TMCO4: variants seen among roughly 807,000 people sequenced by gnomAD.
The protein encoded by TMCO4 is transmembrane and coiled-coil domains 4.
A neutral mutation model predicts 64.7 loss-of-function variants in TMCO4; 58 were observed. The observed-to-expected ratio is 0.90, with a 90% CI of 0.73 to 1.12. The LOEUF is 1.12. Ranked by LOEUF, TMCO4 falls within the 50% of genes most tolerant of loss-of-function variation. TMCO4 has a pLI of 0.00. For synonymous variants in TMCO4, 325 were observed against 346.1 expected (o/e 0.94, Z 0.68); for missense variants, 780 against 825.9 (o/e 0.94, Z 0.68).
chr1:19,760,307 C>G (rs2042441724), intron 6 of TMCO4, among the ~76,000 whole-genome samples: 2 of 152,166 alleles, frequency 1.3e-5, no homozygotes, highest in African/African-American at 4.8e-5. Flanking sequence ...AGAGGCTTGA[C>G]TATGCCTGGA....
chr1:19,770,622 C>A, intron 5 of TMCO4, 53 bp from the exon 6 acceptor site: 1 of 1,562,602 alleles, frequency 6.4e-7, no homozygotes, highest in South Asian at 1.2e-5. Context: ...CGATACAGCG[C>A]GCTCATTTGA....
chr1:19,799,101 G>A (rs1462712613), intron 1 of TMCO4: 1 of 152,542 alleles, frequency 6.6e-6, no homozygotes, highest in Non-Finnish European at 1.5e-5. Flanking sequence ...CACTGGGTCA[G>A]GCTCTCCAGG....
At chr1:19,758,390 G>A (rs548211903) in intron 6 of TMCO4, among the ~76,000 whole-genome samples, 2 of 151,816 alleles carry the variant, frequency 1.3e-5, no homozygotes, top group South Asian at 2.1e-4. Context: ...CGTGATAATC[G>A]GGTTGTAGAA....
intron 10 of TMCO4, among the ~76,000 whole-genome samples, chr1:19,744,530 T>C (rs1372020274): frequency 1.3e-5 from 2 of 152,240 alleles, no homozygotes; most frequent in Non-Finnish European, 2.9e-5. Flanking sequence ...TGAAAGTCCT[T>C]TGCTCTCTTC....
intron 13 of TMCO4, among the ~76,000 whole-genome samples, chr1:19,723,829 C>T (rs967034797): frequency 6.6e-6 from 1 of 151,988 alleles, no homozygotes; most frequent in Admixed American, 6.6e-5. Flanking sequence ...GAGGGTGAAG[C>T]GGGTCACCTG....
intron 2 of TMCO4, among the ~76,000 whole-genome samples, chr1:19,787,836 A>T (rs1317543888): frequency 6.6e-6 from 1 of 152,024 alleles, no homozygotes; most frequent in Non-Finnish European, 1.5e-5. Flanking sequence ...GCTCACTGCA[A>T]CCTCCGCCTC....
intron 13 of TMCO4, among the ~76,000 whole-genome samples, chr1:19,709,291 G>GC (rs905227691): frequency 6.6e-6 from 1 of 152,006 alleles, no homozygotes; most frequent in Non-Finnish European, 1.5e-5. Context: ...CCCGGCGGGG[G>GC]GGGGGGACCC....
intron 13 of TMCO4, among the ~76,000 whole-genome samples, chr1:19,718,665 A>AAAAAAAAAAAAAAAAAAG (rs1450808804): frequency 6.2e-5 from 9 of 146,248 alleles, no homozygotes; most frequent in African/African-American, 2.1e-4. Context: ...AAAAAAAAAA[A>AAAAAAAAAAAAAAAAAAG]AGAGAGAGAG....
chr1:19,699,570 T>TGTGC (rs2100606157), intron 14 of TMCO4, among the ~76,000 whole-genome samples: 1 of 151,534 alleles, frequency 6.6e-6, no homozygotes, highest in African/African-American at 2.4e-5. Flanking sequence ...CCAATGCTGA[T>TGTGC]GTGCAAGCCC....
rs982187263 is a variant in TMCO4 at position 19,734,155 on chromosome 1, G to A, written c.1264+3217C>T. 2.6e-5 allele frequency among the ~76,000 whole-genome samples: 4 copies of A among 152,252 alleles called. No homozygotes were observed. Among genetic ancestry groups the A allele is most frequent in the East Asian group, 3.9e-4 (2 of 5,184 alleles). On this transcript the variant is annotated intron_variant, in intron 13 of 15. Coordinates refer to ENST00000294543, the MANE Select transcript of TMCO4 (RefSeq NM_181719.7). This position sits in a 1 kb window ranked among gnomAD's most constrained non-coding sequence, Gnocchi z 4.4. ...ATCTAGAAAAGGAGACAGAGAGGAC[G>A]GACCAAGAGGGAACAATGGAAATAG...
chr1:19,759,515 T>C (rs1477081449), intron 6 of TMCO4, among the ~76,000 whole-genome samples: 1 of 152,180 alleles, frequency 6.6e-6, no homozygotes, highest in African/African-American at 2.4e-5. Context: ...ATCCAGCCCC[T>C]TCCTGCCATC....
At chr1:19,739,994 C>T in intron 11 of TMCO4, 34 bp from the exon 12 acceptor site, 7 of 1,599,334 alleles carry the variant, frequency 4.4e-6, no homozygotes, top group Non-Finnish European at 6.0e-6. Context: ...AGGGAATGGC[C>T]CCTGTCCTAG....
chr1:19,775,862 A>C (rs1281205164), intron 4 of TMCO4, among the ~76,000 whole-genome samples: 1 of 152,238 alleles, frequency 6.6e-6, no homozygotes, highest in Non-Finnish European at 1.5e-5. Flanking sequence ...AAAGATTACT[A>C]AAACCAAGAG....
At position 19,780,962 on chromosome 1, in the gene TMCO4, A is replaced by G. The variant is rs1571015502; in HGVS notation, c.-8-196T>C. On this transcript the variant is annotated intron_variant, in intron 3 of 15. Coordinates refer to ENST00000294543, the MANE Select transcript of TMCO4 (RefSeq NM_181719.7). ...GGAGGGAGGGATCTTCAATATGTCT[A>G]TCCACAAAGGTCTATACACAGTATC... is the stretch of plus-strand genomic sequence containing the variant. Among the ~76,000 whole-genome samples, 3 of 152,162 alleles carry G rather than the reference A, an allele frequency of 2.0e-5. No homozygotes were observed. In the South Asian group the frequency reaches 6.2e-4, roughly 32 times the overall value.
chr1:19,711,056 A>G (rs1244528984), intron 13 of TMCO4, among the ~76,000 whole-genome samples: 3 of 152,208 alleles, frequency 2.0e-5, no homozygotes, highest in Admixed American at 2.0e-4. Flanking sequence ...CATCAGAAAG[A>G]TGAGTTTGAG....
intron 13 of TMCO4, among the ~76,000 whole-genome samples, chr1:19,723,229 G>A (rs990347424): frequency 6.6e-6 from 1 of 152,172 alleles, no homozygotes; most frequent in African/African-American, 2.4e-5. Context: ...GCATTTCCTC[G>A]GAGTATCATG....
At chr1:19,778,971 C>T (rs1360300955) in intron 4 of TMCO4, among the ~76,000 whole-genome samples, 1 of 152,146 alleles carries the variant, frequency 6.6e-6, no homozygotes, top group Non-Finnish European at 1.5e-5. Context: ...ATGCCCTGGT[C>T]TGGAGGACAG....
chr1:19,796,100 T>C (rs1046449955), intron 2 of TMCO4, among the ~76,000 whole-genome samples: 1 of 152,220 alleles, frequency 6.6e-6, no homozygotes, highest in Non-Finnish European at 1.5e-5. Context: ...GCTTAGATTT[T>C]CTGGGGCCTA....
chr1:19,790,974 A>G (rs911909846), intron 2 of TMCO4, among the ~76,000 whole-genome samples: 1 of 152,248 alleles, frequency 6.6e-6, no homozygotes, highest in African/African-American at 2.4e-5. Flanking sequence ...AATGCTATGC[A>G]GCCATAAAAA....
Sources: gnomAD v4.1 joint callset for allele counts (sites outside exome capture counted in the v4.1 genomes callset) on GRCh38, gnomAD v4.1.1 for gene constraint, Gnocchi (gnomAD v3.1) non-coding constraint, MANE v1.5 for transcripts, NCBI Gene and HGNC (gene_info 2026-07-23, HGNC 2026-07-21) for gene names.